Variants in VEPH1 observed in about 807,000 individuals in gnomAD.
VEPH1 encodes the protein ventricular zone expressed PH domain containing 1, also known as ventricular zone-expressed PH domain-containing protein homolog 1.
A neutral mutation model predicts 85.2 loss-of-function variants in VEPH1; 80 were observed. That is an observed-to-expected ratio of 0.94 (90% confidence interval 0.78 to 1.13). VEPH1 has a LOEUF of 1.13. Ranked by LOEUF, VEPH1 falls within the 50% of genes most tolerant of loss-of-function variation. The pLI is 0.00. For missense variants in VEPH1, 955 were observed against 980.5 expected, an observed-to-expected ratio of 0.97 and a Z score of 0.35; for synonymous variants, 297 against 348.0, an observed-to-expected ratio of 0.85 and a Z score of 1.63.
intron 11 of VEPH1, among the ~76,000 whole-genome samples, chr3:157,295,164 C>T (rs1031388871): frequency 6.6e-6 from 1 of 152,170 alleles, no homozygotes; most frequent in Non-Finnish European, 1.5e-5. Context: ...CCAGGGCTAA[C>T]AACTGAGGCA....
intron 6 of VEPH1, among the ~76,000 whole-genome samples, chr3:157,411,949 G>A (rs1731564966): frequency 6.6e-6 from 1 of 152,138 alleles, no homozygotes; most frequent in Admixed American, 6.5e-5. Flanking sequence ...TTGGAGGTGA[G>A]GCCTGGTGGG....
At chr3:157,324,433 C>T (rs2108567390) in intron 9 of VEPH1, among the ~76,000 whole-genome samples, 1 of 152,220 alleles carries the variant, frequency 6.6e-6, no homozygotes, top group East Asian at 1.9e-4. Context: ...CAGAGGTCAT[C>T]CCATCACCTA....
intron 11 of VEPH1, among the ~76,000 whole-genome samples, chr3:157,290,340 C>T (rs2108395032): frequency 6.6e-6 from 1 of 152,310 alleles, no homozygotes. Flanking sequence ...AATACCTTGA[C>T]TGTAGCCCTG....
chr3:157,396,888 G>T (rs1290569478), intron 6 of VEPH1, among the ~76,000 whole-genome samples: 3 of 152,048 alleles, frequency 2.0e-5, no homozygotes, highest in African/African-American at 7.2e-5. Flanking sequence ...CCATTCTGTA[G>T]ATTATCTGTT....
chr3:157,369,955 G>A (rs1727302798), intron 7 of VEPH1, among the ~76,000 whole-genome samples: 1 of 152,242 alleles, frequency 6.6e-6, no homozygotes, highest in South Asian at 2.1e-4. Flanking sequence ...GCTCACTTAG[G>A]GGGTTGTTAT....
intron 4 of VEPH1, chr3:157,459,643 C>A: frequency 3.1e-6 from 4 of 1,293,026 alleles, no homozygotes; most frequent in Non-Finnish European, 3.9e-6. Flanking sequence ...CTAATTTGAG[C>A]TTCTTATTCA....
intron 4 of VEPH1, among the ~76,000 whole-genome samples, chr3:157,438,178 G>T (rs76130908): frequency 0.015 from 2,206 of 152,118 alleles, 52 homozygotes; most frequent in African/African-American, 0.05. Flanking sequence ...AAAGAGAGTT[G>T]TGGAGGTAAC....
chr3:157,273,193 A>T (rs926575413), intron 12 of VEPH1, among the ~76,000 whole-genome samples: 2 of 152,338 alleles, frequency 1.3e-5, no homozygotes, highest in South Asian at 4.1e-4. Flanking sequence ...GTTTTTATTA[A>T]TACCCATTGC....
At chr3:157,419,872 C>T (rs1732198367) in intron 5 of VEPH1, among the ~76,000 whole-genome samples, 3 of 152,078 alleles carry the variant, frequency 2.0e-5, no homozygotes, top group Admixed American at 2.0e-4. Context: ...TACTTGCATG[C>T]ATATGTTCAT....
At chr3:157,316,001 A>G (rs1344220726) in intron 10 of VEPH1, 1 of 152,112 alleles carries the variant, frequency 6.6e-6, no homozygotes, top group Non-Finnish European at 1.5e-5. Context: ...GTTGTTCTCT[A>G]TGAGATGTTA....
At chr3:157,410,320 G>A (rs1258464292) in intron 6 of VEPH1, among the ~76,000 whole-genome samples, 1 of 152,106 alleles carries the variant, frequency 6.6e-6, no homozygotes, top group East Asian at 1.9e-4. Flanking sequence ...TTTCCACATA[G>A]AAAGTGGTGG....
Position 157,363,469 on chromosome 3 carries a change from G to C in VEPH1, c.1630C>G (p.Gln544Glu). Residue 544 changes from glutamine to glutamate, a missense_variant, in exon 9 of 14, where the codon CAA becomes GAA. Coordinates refer to ENST00000362010, the MANE Select transcript of VEPH1 (RefSeq NM_001167912.2). Reference protein sequence around the residue: ...PETTASPIEYQDKLYLHLKKN... With the variant: ...PETTASPIEYEDKLYLHLKKN... Reference sequence around the variant, plus strand: ...TTTAAGTGCAAGTAGAGCTTATCTTGGTATTCTATAGGACTTGCAGTTGTC... The same window carrying C: ...TTTAAGTGCAAGTAGAGCTTATCTTCGTATTCTATAGGACTTGCAGTTGTC... 1 of 1,613,890 alleles carries C rather than the reference G, an allele frequency of 6.2e-7. No homozygotes were observed.
At chr3:157,499,021 A>C (rs758443437) in intron 1 of VEPH1, among the ~76,000 whole-genome samples, 15 of 152,342 alleles carry the variant, frequency 9.8e-5, no homozygotes, top group Non-Finnish European at 2.1e-4. Flanking sequence ...CTGCAGGTAG[A>C]TATTACCACC....
At chr3:157,371,591 C>T (rs150158235) in intron 7 of VEPH1, among the ~76,000 whole-genome samples, 6 of 152,276 alleles carry the variant, frequency 3.9e-5, no homozygotes, top group African/African-American at 1.2e-4. Flanking sequence ...CACTTTAATA[C>T]GGTCCCCAGG....
intron 2 of VEPH1, among the ~76,000 whole-genome samples, chr3:157,483,736 T>TA (rs1577781053): frequency 6.6e-6 from 1 of 152,016 alleles, no homozygotes; most frequent in African/African-American, 2.4e-5. Context: ...ATATTGAAGA[T>TA]AAAATAGGAC....
At chr3:157,497,707 T>C (rs1169251339) in intron 1 of VEPH1, among the ~76,000 whole-genome samples, 1 of 152,124 alleles carries the variant, frequency 6.6e-6, no homozygotes, top group Non-Finnish European at 1.5e-5. Flanking sequence ...ACCCCCAGGC[T>C]TTTCCTGGGC....
intron 2 of VEPH1, among the ~76,000 whole-genome samples, chr3:157,472,586 G>A (rs1410409425): frequency 6.6e-6 from 1 of 152,054 alleles, no homozygotes; most frequent in African/African-American, 2.4e-5. Context: ...CTCGTGTCAT[G>A]GGAGTTTGTT....
intron 4 of VEPH1, among the ~76,000 whole-genome samples, chr3:157,441,104 T>G (rs991010199): frequency 1.3e-5 from 2 of 152,192 alleles, no homozygotes; most frequent in Admixed American, 6.5e-5. Flanking sequence ...ATTATGGTGC[T>G]CATCCAAAGT....
At chr3:157,400,669 T>A (rs1238909719) in intron 6 of VEPH1, among the ~76,000 whole-genome samples, 1 of 152,170 alleles carries the variant, frequency 6.6e-6, no homozygotes, top group African/African-American at 2.4e-5. Flanking sequence ...TGTATGTGTT[T>A]AAAAACCCAA....
Sources: gnomAD v4.1 joint callset for allele counts (sites outside exome capture counted in the v4.1 genomes callset) on GRCh38, gnomAD v4.1.1 for gene constraint, MANE v1.5 for transcripts, NCBI Gene and HGNC (gene_info 2026-07-23, HGNC 2026-07-21) for gene names.